GABRB2: variants seen among roughly 807,000 people sequenced by gnomAD.
GABRB2 encodes gamma-aminobutyric acid type A receptor subunit beta2.
A neutral mutation model predicts 54.7 loss-of-function variants in GABRB2; 16 were observed. That is an observed-to-expected ratio of 0.29 (90% CI 0.20 to 0.44). The LOEUF (loss-of-function observed/expected upper bound fraction) is 0.44, where lower values mean the gene tolerates loss of function less well. Among genes scored for constraint, GABRB2 ranks in the 20% least tolerant of loss-of-function variants. The pLI, the probability that GABRB2 is intolerant of heterozygous loss-of-function variation, is 1.00. For synonymous variants in GABRB2, 244 were observed against 233.8 expected (o/e 1.04, Z -0.40); for missense variants, 355 against 644.0 (o/e 0.55, Z 4.86).
At chr5:161,395,931 T>A (rs375915815) in intron 5 of GABRB2, among the ~76,000 whole-genome samples, 1 of 152,114 alleles carries the variant, frequency 6.6e-6, no homozygotes, top group African/African-American at 2.4e-5. Flanking sequence ...CTTTGGAGAA[T>A]TTGTGATTAA....
intron 6 of GABRB2, 124 bp from the exon 7 acceptor site, chr5:161,335,028 C>T: frequency 4.2e-6 from 4 of 950,570 alleles, no homozygotes; most frequent in Non-Finnish European, 6.2e-6. Context: ...AGGACACTTT[C>T]TTCTGCAAAA....
intron 5 of GABRB2, among the ~76,000 whole-genome samples, chr5:161,363,506 A>G (rs1754880621): frequency 6.6e-6 from 1 of 152,150 alleles, no homozygotes; most frequent in African/African-American, 2.4e-5. Flanking sequence ...CTGCACATGT[A>G]TCCCAGAACT....
chr5:161,321,586 T>G (rs1758211626), intron 9 of GABRB2, among the ~76,000 whole-genome samples: 1 of 152,162 alleles, frequency 6.6e-6, no homozygotes, highest in Non-Finnish European at 1.5e-5. Context: ...AGCTATTCCT[T>G]AATACCTTGC....
intron 4 of GABRB2, among the ~76,000 whole-genome samples, chr5:161,437,309 C>T (rs1468094720): frequency 2.0e-5 from 3 of 151,888 alleles, no homozygotes; most frequent in Non-Finnish European, 4.4e-5. Flanking sequence ...ACCAGCCCAG[C>T]CACAGCAGGA....
chr5:161,478,535 T>C (rs1723885463), intron 3 of GABRB2, among the ~76,000 whole-genome samples: 1 of 152,072 alleles, frequency 6.6e-6, no homozygotes, highest in Non-Finnish European at 1.5e-5. Flanking sequence ...TTATTTACAA[T>C]ATGCTTGTGT....
chr5:161,466,922 T>C (rs1019957293), intron 3 of GABRB2, among the ~76,000 whole-genome samples: 2 of 152,104 alleles, frequency 1.3e-5, no homozygotes, highest in Non-Finnish European at 2.9e-5. Context: ...TAAAATTATG[T>C]ATTTTTCCCT....
chr5:161,445,089 G>A (rs976226736), intron 4 of GABRB2, among the ~76,000 whole-genome samples: 1 of 152,056 alleles, frequency 6.6e-6, no homozygotes, highest in African/African-American at 2.4e-5. Context: ...TTTTTAAATT[G>A]GCTCTTGTAG....
chr5:161,322,052 G>A (rs1758226462), intron 9 of GABRB2, among the ~76,000 whole-genome samples: 1 of 152,036 alleles, frequency 6.6e-6, no homozygotes, highest in Admixed American at 6.6e-5. Context: ...AGCTTCTGTA[G>A]TCATATTTTC....
intron 4 of GABRB2, among the ~76,000 whole-genome samples, chr5:161,447,836 C>T (rs1322900425): frequency 6.6e-6 from 1 of 151,872 alleles, no homozygotes; most frequent in Non-Finnish European, 1.5e-5. Flanking sequence ...TTTTTTTCTC[C>T]CCATGGGAAA....
chr5:161,417,532 T>A lies in GABRB2; in HGVS notation c.459-6475A>T, dbSNP rs535073190. Reference sequence around the variant, plus strand: ...TCCTAGTTGAACTTGGTAAAGTCATTTAGCTTCTCTGGAGGATTGATCAAT... The same window carrying A: ...TCCTAGTTGAACTTGGTAAAGTCATATAGCTTCTCTGGAGGATTGATCAAT... On this transcript the variant is annotated intron_variant, in intron 4 of 9. Coordinates refer to ENST00000393959, the MANE Select transcript of GABRB2 (RefSeq NM_001371727.1). Among the ~76,000 whole-genome samples the A allele has an allele frequency of 5.1e-4, 78 of 152,322 alleles. 1 individual carries two copies. Among genetic ancestry groups the A allele is most frequent in the Admixed American group, 3.1e-3 (47 of 15,306 alleles).
chr5:161,531,904 C>T (rs557077941), intron 3 of GABRB2, among the ~76,000 whole-genome samples: 12 of 152,058 alleles, frequency 7.9e-5, no homozygotes, highest in Non-Finnish European at 8.8e-5. Context: ...TTCTCAACAA[C>T]GCTGCTTACC....
rs992743733 is a variant in GABRB2, at chr5:161,289,063, G to A, written c.*5018C>T. The stretch of plus-strand genomic sequence containing the variant: ...TGACACGGCAGTGACATTTGGTTTG[G>A]GAACTCAAAGGACATACAGTTTTGT... On this transcript the variant is annotated 3_prime_UTR_variant, in exon 10 of 10. Coordinates refer to ENST00000393959, the MANE Select transcript of GABRB2 (RefSeq NM_001371727.1). The A allele has an allele frequency of 1.3e-5, 2 of 152,002 alleles. No individual in the cohort carries two copies. Among genetic ancestry groups the A allele is most frequent in the African/African-American group, 4.8e-5 (2 of 41,386 alleles). The allele number at this position is 152,002 out of a possible 1,614,324, so 9.4% of individuals were successfully genotyped here. A position where few individuals can be genotyped will look rare whatever the true frequency, so the allele number is the denominator to read the frequency against.
intron 5 of GABRB2, among the ~76,000 whole-genome samples, chr5:161,410,356 AT>A (rs1224949518): frequency 6.6e-6 from 1 of 150,852 alleles, no homozygotes; most frequent in Non-Finnish European, 1.5e-5. Flanking sequence ...AAGCAAGCAC[AT>A]TGCAAAACAA....
chr5:161,442,920 T>A (rs757009249), intron 4 of GABRB2, among the ~76,000 whole-genome samples: 4 of 151,984 alleles, frequency 2.6e-5, no homozygotes, highest in Non-Finnish European at 5.9e-5. Flanking sequence ...GTGGGAAAAA[T>A]AAGAAAATGA....
At chr5:161,504,373 C>T (rs1449711964) in intron 3 of GABRB2, among the ~76,000 whole-genome samples, 1 of 152,048 alleles carries the variant, frequency 6.6e-6, no homozygotes, top group Non-Finnish European at 1.5e-5. Flanking sequence ...ACAACAGAAT[C>T]ACATTAGATT....
At chr5:161,516,178 CT>C (rs1433887842) in intron 3 of GABRB2, among the ~76,000 whole-genome samples, 1 of 152,116 alleles carries the variant, frequency 6.6e-6, no homozygotes, top group Non-Finnish European at 1.5e-5. Context: ...AAATTAAAGA[CT>C]TTTTTTACTG....
At chr5:161,460,340 T>C (rs1025719695) in intron 3 of GABRB2, among the ~76,000 whole-genome samples, 5 of 152,088 alleles carry the variant, frequency 3.3e-5, no homozygotes, top group African/African-American at 7.2e-5. Flanking sequence ...TGTTCACATA[T>C]AGAGGCAAAT....
chr5:161,393,754 T>A (rs944536486), intron 5 of GABRB2, among the ~76,000 whole-genome samples: 1 of 151,842 alleles, frequency 6.6e-6, no homozygotes, highest in African/African-American at 2.4e-5. Flanking sequence ...TCAAGATAAA[T>A]AAAGCAAACA....
chr5:161,459,947 T>G, intron 3 of GABRB2, 103 bp from the exon 4 acceptor site: 1 of 667,830 alleles, frequency 1.5e-6, no homozygotes, highest in Non-Finnish European at 2.4e-6. Flanking sequence ...TATTTTTAAT[T>G]TATTTTTATT....
Sources: allele counts gnomAD v4.1 joint callset (sites outside exome capture counted in the v4.1 genomes callset), GRCh38; gene constraint gnomAD v4.1.1; transcripts MANE v1.5; gene names NCBI Gene and HGNC (gene_info 2026-07-23, HGNC 2026-07-21).